Variants in SP4 observed in about 807,000 individuals in gnomAD.
The protein encoded by SP4 is transcription factor Sp4.
In SP4, 19 loss-of-function variants were observed where a neutral mutation model predicts 72.8. The observed-to-expected ratio is 0.26, with a 90% confidence interval of 0.18 to 0.38. SP4 has a LOEUF of 0.38. Among genes scored for constraint, SP4 ranks in the 10% least tolerant of loss-of-function variants. SP4 has a pLI of 1.00. For synonymous variants in SP4, 395 were observed against 333.1 expected, an observed-to-expected ratio of 1.19 and a Z score of -2.02; for missense variants, 1,008 against 926.3, an observed-to-expected ratio of 1.09 and a Z score of -1.14.
At chr7:21,494,079 A>G (rs75718325) in intron 5 of SP4, among the ~76,000 whole-genome samples, 3,420 of 152,314 alleles carry the variant, frequency 0.022, 177 homozygotes, top group East Asian at 0.19. Context: ...TATTTGGCAA[A>G]ATTCTGCATA....
intron 5 of SP4, among the ~76,000 whole-genome samples, chr7:21,500,427 A>C (rs1388488835): frequency 6.6e-6 from 1 of 152,202 alleles, no homozygotes; most frequent in Non-Finnish European, 1.5e-5. Flanking sequence ...TAGTTTCTCT[A>C]GGTCAGGAGT....
chr7:21,483,524 C>A (rs765178205), intron 5 of SP4, among the ~76,000 whole-genome samples: 2 of 151,812 alleles, frequency 1.3e-5, no homozygotes, highest in African/African-American at 4.8e-5. Flanking sequence ...TTTATTCGCT[C>A]AAGATTCTTT....
intron 5 of SP4, among the ~76,000 whole-genome samples, chr7:21,502,160 G>A (rs1382372209): frequency 6.6e-6 from 1 of 151,504 alleles, no homozygotes; most frequent in Non-Finnish European, 1.5e-5. Flanking sequence ...ATACCAGGAT[G>A]AAGGGAATGG....
At chr7:21,493,798 C>T (rs1785038978) in intron 5 of SP4, among the ~76,000 whole-genome samples, 1 of 151,984 alleles carries the variant, frequency 6.6e-6, no homozygotes, top group Admixed American at 6.6e-5. Flanking sequence ...CAATTTCTTT[C>T]AGAAAATAAG....
rs528278330 is a variant in SP4 at position 21,431,319 on chromosome 7, A to G, written c.1678+476A>G. On this transcript the variant is annotated intron_variant, in intron 3 of 5. Transcript: ENST00000222584. ...TGGAAGTTATTTCTCAAGCTTCAGC[A>G]TCTTGTCGCCCATGCTTTTGTGTTT... is the stretch of plus-strand genomic sequence containing the variant. Among the ~76,000 whole-genome samples, 59 of 152,320 alleles carry G rather than the reference A, an allele frequency of 3.9e-4. 1 individual carries two copies. The highest frequency in any genetic ancestry group is 1.3e-3 in the African/African-American group (56 of 41,570).
rs1782162754 is a variant in SP4, at chr7:21,512,125, A to G, written c.*856A>G. ...GTTGAACCACAAAATTTCATTTAAA[A>G]TGTTTATATTTGGAAATATTTGCAT... On this transcript the variant is annotated 3_prime_UTR_variant, in exon 6 of 6. Transcript: ENST00000222584. The G allele has an allele frequency of 6.6e-6, 1 of 152,632 alleles. No individual in the cohort carries two copies. The highest frequency in any genetic ancestry group is 1.5e-5 in the Non-Finnish European group (1 of 68,020). The allele number at this position is 152,632 out of a possible 1,614,324, so 9.5% of individuals were successfully genotyped here. A position where few individuals can be genotyped will look rare whatever the true frequency, so the allele number is the denominator to read the frequency against.
At chr7:21,471,271 G>T in intron 3 of SP4, 5 of 357,086 alleles carry the variant, frequency 1.4e-5, no homozygotes, top group South Asian at 1.1e-4. Context: ...AGCTAGGTCT[G>T]CAATATGAAT....
intron 4 of SP4, 106 bp from the exon 5 acceptor site, chr7:21,481,818 T>C (rs1038077464): frequency 7.5e-6 from 6 of 795,064 alleles, no homozygotes; most frequent in African/African-American, 5.2e-5. Context: ...TGATCAAACC[T>C]ATTCAGAGAA....
chr7:21,446,151 T>C (rs1783420641), intron 3 of SP4, among the ~76,000 whole-genome samples: 1 of 152,074 alleles, frequency 6.6e-6, no homozygotes, highest in Non-Finnish European at 1.5e-5. Flanking sequence ...ATTCTATACC[T>C]ATTCATCACC....
At chr7:21,494,046 C>T (rs1785044670) in intron 5 of SP4, among the ~76,000 whole-genome samples, 1 of 152,134 alleles carries the variant, frequency 6.6e-6, no homozygotes, top group Non-Finnish European at 1.5e-5. Flanking sequence ...AAAAAAATCA[C>T]ATGACAGCAA....
intron 3 of SP4, among the ~76,000 whole-genome samples, chr7:21,437,126 G>A (rs555771991): frequency 2.0e-5 from 3 of 152,124 alleles, no homozygotes; most frequent in Non-Finnish European, 2.9e-5. Flanking sequence ...AGAAGATTTG[G>A]CATGAATAAC....
At chr7:21,465,950 C>T (rs1263791294) in intron 3 of SP4, among the ~76,000 whole-genome samples, 1 of 152,156 alleles carries the variant, frequency 6.6e-6, no homozygotes, top group Non-Finnish European at 1.5e-5. Context: ...ACTTTAATCT[C>T]CAGTGGTATG....
intron 5 of SP4, among the ~76,000 whole-genome samples, chr7:21,490,404 C>A (rs1291633631): frequency 6.6e-6 from 1 of 152,218 alleles, no homozygotes; most frequent in Admixed American, 6.5e-5. Flanking sequence ...ACCAAAAAAT[C>A]TCTAGAAAAT....
At chr7:21,488,532 AT>A (rs1414841383) in intron 5 of SP4, among the ~76,000 whole-genome samples, 4 of 78,536 alleles carry the variant, frequency 5.1e-5, no homozygotes, top group Non-Finnish European at 1.1e-4. Flanking sequence ...CTTTACTATT[AT>A]TTTAATGGGT....
intron 4 of SP4, among the ~76,000 whole-genome samples, chr7:21,477,793 A>G: frequency 6.6e-6 from 1 of 152,116 alleles, no homozygotes; most frequent in East Asian, 1.9e-4. Context: ...CACCCACCTC[A>G]GCCCCCCAAG....
intron 5 of SP4, among the ~76,000 whole-genome samples, chr7:21,489,799 C>A (rs1039915922): frequency 6.6e-6 from 1 of 152,010 alleles, no homozygotes; most frequent in Admixed American, 6.5e-5. Context: ...GACCTTGGAT[C>A]CACCCGCCTC....
In SP4 at chr7:21,428,215, A is replaced by T. The variant is rs369136081; in HGVS notation, c.-37A>T. On this transcript the variant is annotated 5_prime_UTR_variant, in exon 1 of 6. Coordinates refer to ENST00000222584, the MANE Select transcript of SP4 (RefSeq NM_003112.5). ...CCCCACCCCCACCCACCTCTATCCC[A>T]GTGTCTCCGTCTGAGGGTTTGTCCT... The T allele has an allele frequency of 4.5e-6, 3 of 668,794 alleles. No homozygotes were observed. The highest frequency in any genetic ancestry group is 4.0e-5 in the African/African-American group (1 of 24,706). The allele number at this position is 668,794 out of a possible 1,614,324, so 41.4% of individuals were successfully genotyped here. A position where few individuals can be genotyped will look rare whatever the true frequency, so the allele number is the denominator to read the frequency against.
At chr7:21,487,922 A>G (rs1158432819) in intron 5 of SP4, among the ~76,000 whole-genome samples, 1 of 152,026 alleles carries the variant, frequency 6.6e-6, no homozygotes, top group Non-Finnish European at 1.5e-5. Flanking sequence ...GTTCACTGGC[A>G]CGATCACAGC....
intron 3 of SP4, among the ~76,000 whole-genome samples, chr7:21,443,563 T>C (rs1404703419): frequency 2.6e-5 from 4 of 152,148 alleles, no homozygotes; most frequent in Non-Finnish European, 5.9e-5. Flanking sequence ...TAATAATGAG[T>C]CAAGTCACCA....
Sources: gnomAD v4.1 joint callset for allele counts (sites outside exome capture counted in the v4.1 genomes callset) on GRCh38, gnomAD v4.1.1 for gene constraint, MANE v1.5 for transcripts, NCBI Gene and HGNC (gene_info 2026-07-23, HGNC 2026-07-21) for gene names.